Variants in KANK1 observed in about 807,000 individuals in gnomAD.
KANK1 encodes KN motif and ankyrin repeat domain-containing protein 1.
KANK1 carries 109 observed loss-of-function variants against 106.2 expected under a neutral mutation model. The ratio of observed to expected loss-of-function variants is 1.03; its 90% CI spans 0.88 to 1.20. The LOEUF is 1.20. Among genes scored for constraint, KANK1 ranks in the 50% most tolerant of loss-of-function variants. KANK1 has a pLI of 0.00. For synonymous variants in KANK1, 873 were observed against 652.2 expected (o/e 1.34, Z -5.16); for missense variants, 2,399 against 1,710.7 (o/e 1.40, Z -7.10).
rs984040787 is a variant in KANK1 at position 705,575 on chromosome 9, G to GA, written c.38-5219dup. On this transcript the variant is annotated intron_variant, in intron 2 of 11. Transcript: ENST00000382297. Reference sequence around the variant, plus strand: ...GTGTGTGGTTGGGAGAGGAAGCAATGAAAAAAAAAATGTATATTTTTTTTG... The same window carrying GA: ...GTGTGTGGTTGGGAGAGGAAGCAATGAAAAAAAAAAATGTATATTTTTTTTG... Among the ~76,000 whole-genome samples the GA allele has an allele frequency of 3.0e-4, 44 of 146,104 alleles. 1 individual carries two copies. Among genetic ancestry groups the GA allele is most frequent in the East Asian group, 2.0e-3 (10 of 4,952 alleles).
rs541860120 is a variant in KANK1, at chr9:700,088, G to C, written c.38-10716G>C. Among the ~76,000 whole-genome samples, 9 of 152,310 alleles carry C rather than the reference G, an allele frequency of 5.9e-5. 1 individual carries two copies. The highest frequency in any genetic ancestry group is 6.8e-3 in the Middle Eastern group (2 of 294). ...AAACTCTGTGAGGAGAAGCATTTCA[G>C]GCTTCTTAGAAAAAGCCTAGCACGT... is the stretch of plus-strand genomic sequence containing the variant. On this transcript the variant is annotated intron_variant, in intron 2 of 11. Coordinates refer to ENST00000382297, the MANE Select transcript of KANK1 (RefSeq NM_015158.5).
At chr9:703,852 C>T (rs755167037) in intron 2 of KANK1, among the ~76,000 whole-genome samples, 1 of 152,078 alleles carries the variant, frequency 6.6e-6, no homozygotes, top group Non-Finnish European at 1.5e-5. Flanking sequence ...GCTGGGATTA[C>T]AGGTGCACAC....
chr9:741,553 T>C (rs1391172987), intron 9 of KANK1, among the ~76,000 whole-genome samples: 2 of 150,272 alleles, frequency 1.3e-5, no homozygotes, highest in Non-Finnish European at 3.0e-5. Context: ...AGTGGTGCGA[T>C]CTTGGCTCAC....
chr9:523,259 A>C (rs1310391109), intron 1 of KANK1, among the ~76,000 whole-genome samples: 3 of 151,644 alleles, frequency 2.0e-5, no homozygotes, highest in Non-Finnish European at 4.4e-5. Context: ...ACAGACTTCT[A>C]GTGGTAAAAC....
At chr9:563,190 C>CT (rs35709800) in intron 1 of KANK1, among the ~76,000 whole-genome samples, 61 of 149,444 alleles carry the variant, frequency 4.1e-4, no homozygotes, top group Non-Finnish European at 7.4e-4. Flanking sequence ...TTTTGTCAGA[C>CT]TTTTTTTTTT....
chr9:712,097 T>G lies in KANK1; in HGVS notation c.1331T>G (p.Met444Arg). 1 of 1,614,120 alleles carries G rather than the reference T, an allele frequency of 6.2e-7. No homozygotes were observed. Among genetic ancestry groups the G allele is most frequent in the Non-Finnish European group, 8.5e-7 (1 of 1,180,042 alleles). Residue 444 changes from methionine (M) to arginine (R), a missense_variant, in exon 3 of 12, where the codon ATG (methionine) becomes AGG (arginine). Transcript: ENST00000382297. The stretch of plus-strand genomic sequence containing the variant: ...TGTGGGGTCAGCGTGACAGAGGCCA[T>G]GCTTGGAGTGATGACTGAAGCTGAC... ...RNCGVSVTEA[M>R]LGVMTEADKE...
At chr9:676,244 T>C (rs1383180191) in intron 1 of KANK1, among the ~76,000 whole-genome samples, 1 of 152,180 alleles carries the variant, frequency 6.6e-6, no homozygotes, top group African/African-American at 2.4e-5. Flanking sequence ...TTATTTTATC[T>C]AGCCCCTACT....
chr9:718,781 TGAGAG>T (rs1228896212), intron 3 of KANK1, among the ~76,000 whole-genome samples: 1 of 152,164 alleles, frequency 6.6e-6, no homozygotes, highest in Non-Finnish European at 1.5e-5. Flanking sequence ...GGCTGAGGTC[TGAGAG>T]GAGAGCGTAG....
intron 1 of KANK1, among the ~76,000 whole-genome samples, chr9:584,748 C>T (rs1008939738): frequency 6.6e-6 from 1 of 152,322 alleles, no homozygotes; most frequent in South Asian, 2.1e-4. Flanking sequence ...TGTCAGTTAT[C>T]TTCAGCTTTC....
At chr9:640,783 G>A (rs1014032528) in intron 1 of KANK1, among the ~76,000 whole-genome samples, 1 of 150,128 alleles carries the variant, frequency 6.7e-6, no homozygotes, top group African/African-American at 2.5e-5. Context: ...TGCAAGCTCT[G>A]CCTGCCGGGT....
intron 3 of KANK1, among the ~76,000 whole-genome samples, chr9:485,803 G>A (rs1048724988): frequency 3.3e-5 from 5 of 151,590 alleles, no homozygotes; most frequent in East Asian, 1.9e-4. Context: ...CCTGGGAGGC[G>A]GAGGCTGCAG....
chr9:646,291 G>A (rs1839653034), intron 1 of KANK1, among the ~76,000 whole-genome samples: 1 of 150,634 alleles, frequency 6.6e-6, no homozygotes, highest in African/African-American at 2.5e-5. Flanking sequence ...GAGGCCAGGA[G>A]TTCAAGACCA....
chr9:520,745 A>G (rs2059507589), intron 1 of KANK1, among the ~76,000 whole-genome samples: 1 of 151,820 alleles, frequency 6.6e-6, no homozygotes, highest in Non-Finnish European at 1.5e-5. Flanking sequence ...GTTTTTGGAC[A>G]GGACTGATTA....
At chr9:676,799 T>C (rs868220107) in intron 1 of KANK1, 91 bp from the exon 2 acceptor site, 2 of 582,402 alleles carry the variant, frequency 3.4e-6, no homozygotes, top group Middle Eastern at 5.8e-4. Flanking sequence ...CCTTTCTCTG[T>C]TAGCAGTCAT....
intron 3 of KANK1, among the ~76,000 whole-genome samples, chr9:722,247 GA>G (rs1279287294): frequency 4.6e-5 from 7 of 152,150 alleles, no homozygotes; most frequent in Admixed American, 2.0e-4. Flanking sequence ...GACGGGCCCT[GA>G]ATTCTATTTT....
At position 505,708 on chromosome 9, in the gene KANK1, C is replaced by G. The variant is rs548721684; in HGVS notation, c.-84+954C>G. 2.0e-5 allele frequency among the ~76,000 whole-genome samples: 3 copies of G among 152,348 alleles called. No individual in the cohort carries two copies. The East Asian group carries it at 5.8e-4, about 29-fold the overall frequency. ...GGCGTCCGCCAGCGCTCGCTTTCCG[C>G]ACGTGGCCTCTGCGGAGGGTCAGCC... On this transcript the variant is annotated intron_variant, in intron 1 of 11. Coordinates refer to ENST00000382297, the MANE Select transcript of KANK1 (RefSeq NM_015158.5).
intron 2 of KANK1, among the ~76,000 whole-genome samples, chr9:699,106 AC>A (rs1180675224): frequency 1.3e-5 from 2 of 151,866 alleles, no homozygotes; most frequent in Non-Finnish European, 2.9e-5. Flanking sequence ...TCCCCACCAC[AC>A]TGCCCGGTGG....
chr9:704,484 G>A (rs1206710887), intron 2 of KANK1, among the ~76,000 whole-genome samples: 2 of 152,168 alleles, frequency 1.3e-5, no homozygotes, highest in Non-Finnish European at 2.9e-5. Flanking sequence ...GGAGGTTCCT[G>A]GGGTATACTA....
chr9:553,271 G>T (rs2061386752), intron 1 of KANK1, among the ~76,000 whole-genome samples: 1 of 152,180 alleles, frequency 6.6e-6, no homozygotes, highest in African/African-American at 2.4e-5. Context: ...GTGTTCAGAA[G>T]TATTTAAAAT....
Sources: gnomAD v4.1 joint callset for allele counts (sites outside exome capture counted in the v4.1 genomes callset) on GRCh38, gnomAD v4.1.1 for gene constraint, MANE v1.5 for transcripts, NCBI Gene and HGNC (gene_info 2026-07-23, HGNC 2026-07-21) for gene names.